Variants in CFAP57 observed in about 807,000 individuals in gnomAD.
CFAP57 encodes the protein cilia- and flagella-associated protein 57.
CFAP57 carries 116 observed loss-of-function variants against 146.8 expected under a neutral mutation model. The ratio of observed to expected loss-of-function variants is 0.79; its 90% CI spans 0.68 to 0.92. The LOEUF is 0.92. CFAP57 is among the 40% of genes least tolerant of loss of function. The probability of loss-of-function intolerance (pLI) is 0.00; values close to 1 mark genes in which losing one functional copy is unlikely to be tolerated. For synonymous variants in CFAP57, 518 were observed against 552.8 expected, an observed-to-expected ratio of 0.94 and a Z score of 0.88; for missense variants, 1,377 against 1,527.2, an observed-to-expected ratio of 0.90 and a Z score of 1.64.
Position 43,209,598 on chromosome 1 carries a change from C to T in CFAP57, c.1756-145C>T, listed in dbSNP as rs1454262652. 9.2e-6 allele frequency: 7 copies of T among 764,546 alleles called. No homozygotes were observed. The Admixed American group carries it at 1.1e-4, about 12-fold the overall frequency. The allele number at this position is 764,546 out of a possible 1,614,324, so 47.4% of individuals were successfully genotyped here. A position where few individuals can be genotyped will look rare whatever the true frequency, so the allele number is the denominator to read the frequency against. ...GCCTTTTTTTGTGCTAGGCACTATA[C>T]CGGATGCCAAAAGGGGATAGAAAAA... is the stretch of plus-strand genomic sequence containing the variant. On this transcript the variant is annotated intron_variant, in intron 10 of 22. Coordinates refer to ENST00000372492, the MANE Select transcript of CFAP57 (RefSeq NM_001378189.1).
chr1:43,181,645 C>A lies in CFAP57; in HGVS notation c.269C>A (p.Ser90Ter), dbSNP rs1645411897. 1 of 1,614,112 alleles carries A rather than the reference C, an allele frequency of 6.2e-7. No homozygotes were observed. The highest frequency in any genetic ancestry group is 8.5e-7 in the Non-Finnish European group (1 of 1,180,056). Reference sequence around the variant, plus strand: ...CCTGCCATCACCATTTATGAATTGTCATCCATCCCTTGCCGGAAGCGCAAA... The same window carrying A: ...CCTGCCATCACCATTTATGAATTGTAATCCATCCCTTGCCGGAAGCGCAAA... ...EKPAITIYEL[S>*]SIPCRKRKVL... The change falls in exon 3 of 23, where the codon TCA (serine) becomes TAA (stop). Residue 90 changes from serine to a stop codon, truncating the protein, a stop_gained. Coordinates refer to ENST00000372492, the MANE Select transcript of CFAP57 (RefSeq NM_001378189.1). LOFTEE classifies it high-confidence loss of function.
At chr1:43,191,053 T>C (rs568966052) in intron 6 of CFAP57, among the ~76,000 whole-genome samples, 3 of 152,320 alleles carry the variant, frequency 2.0e-5, no homozygotes, top group Non-Finnish European at 4.4e-5. Flanking sequence ...AATTCTTCTT[T>C]AAGTGTTTGG....
intron 22 of CFAP57, among the ~76,000 whole-genome samples, chr1:43,249,048 A>ATTTT (rs1229728481): frequency 8.1e-6 from 1 of 123,990 alleles, no homozygotes; most frequent in Non-Finnish European, 1.6e-5. Context: ...CTCCCAGCTA[A>ATTTT]TTTTTTTTTT....
At chr1:43,197,160 TG>T (rs568450070) in intron 6 of CFAP57, among the ~76,000 whole-genome samples, 1,746 of 152,144 alleles carry the variant, frequency 0.011, 39 homozygotes, top group African/African-American at 0.041. Flanking sequence ...GAGACCATCC[TG>T]GGCTAACATA....
chr1:43,175,439 G>A (rs1645134521), intron 2 of CFAP57, among the ~76,000 whole-genome samples: 1 of 151,620 alleles, frequency 6.6e-6, no homozygotes, highest in Non-Finnish European at 1.5e-5. Context: ...TATCTTTTTT[G>A]TTCTGTTATC....
At chr1:43,223,411 A>T (rs1397639218) in intron 16 of CFAP57, among the ~76,000 whole-genome samples, 1 of 152,218 alleles carries the variant, frequency 6.6e-6, no homozygotes, top group Non-Finnish European at 1.5e-5. Flanking sequence ...CCAGGGAGTC[A>T]TGGGCGGCTC....
rs1645152828 is a variant in CFAP57 at position 43,224,125 on chromosome 1, G to A, written c.2786G>A (p.Gly929Glu). 3.9e-6 allele frequency: 6 copies of A among 1,550,462 alleles called. No homozygotes were observed. The highest frequency in any genetic ancestry group is 1.4e-5 in the African/African-American group (1 of 73,056). Residue 929 changes from glycine to glutamate, a missense_variant, in exon 17 of 23, where the codon GGA becomes GAA. Coordinates refer to ENST00000372492, the MANE Select transcript of CFAP57 (RefSeq NM_001378189.1). Reference protein sequence around the residue: ...TLKGEQMKLQGVIKSLEKDIQ... With the variant: ...TLKGEQMKLQEVIKSLEKDIQ... ...AAAGGAGAGCAGATGAAGCTGCAAG[G>A]AGTCATTAAGTCTCTGGAGAAGGAC...
At chr1:43,241,350 GTAATATA>G (rs1645909410) in intron 21 of CFAP57, among the ~76,000 whole-genome samples, 3 of 152,232 alleles carry the variant, frequency 2.0e-5, no homozygotes, top group African/African-American at 7.2e-5. Context: ...CTGAAATTAA[GTAATATA>G]CTGGAAGTCT....
intron 4 of CFAP57, 47 bp from the exon 5 acceptor site, chr1:43,185,102 C>T: frequency 6.2e-7 from 1 of 1,600,298 alleles, no homozygotes; most frequent in Non-Finnish European, 8.6e-7. Context: ...AATTCATCTC[C>T]TCAAGATTGT....
intron 3 of CFAP57, among the ~76,000 whole-genome samples, chr1:43,182,295 T>C (rs1645446345): frequency 6.6e-6 from 1 of 152,198 alleles, no homozygotes. Flanking sequence ...GTTGCAGTTA[T>C]GTAAGGAACA....
intron 18 of CFAP57, among the ~76,000 whole-genome samples, chr1:43,229,693 A>G (rs12126280): frequency 0.074 from 10,952 of 148,030 alleles, 1,599 homozygotes; most frequent in South Asian, 0.2. Context: ...TTTAGTTTAC[A>G]CTCATTTACT....
intron 18 of CFAP57, among the ~76,000 whole-genome samples, chr1:43,231,728 C>T (rs568632554): frequency 0.017 from 2,442 of 147,986 alleles, 60 homozygotes; most frequent in African/African-American, 0.058. Context: ...ATTAGTTGGG[C>T]ATGGTGGCAA....
At chr1:43,180,727 T>C (rs1011496325) in intron 2 of CFAP57, among the ~76,000 whole-genome samples, 2 of 152,054 alleles carry the variant, frequency 1.3e-5, no homozygotes, top group African/African-American at 2.4e-5. Flanking sequence ...TGAAAAATTT[T>C]AGGAAGGGTG....
rs1354204950 is a variant in CFAP57 at position 43,222,931 on chromosome 1, A to G, written c.2640A>G (p.Lys880=). The change falls in exon 16 of 23, where the codon AAA becomes AAG. Residue 880 remains lysine (K), a synonymous_variant. Transcript: ENST00000372492. ...EIQDIKTKYE[K]KLRDEKESNL... is the part of the protein sequence containing the mutation. ...AAGATATCAAAACCAAGTATGAGAA[A>G]AAGCTTCGGGATGAAAAGGAATCAA... 6.4e-7 allele frequency: 1 copy of G among 1,550,580 alleles called. No homozygotes were observed. Among genetic ancestry groups the G allele is most frequent in the African/African-American group, 1.4e-5 (1 of 73,184 alleles).
intron 14 of CFAP57, among the ~76,000 whole-genome samples, 198 bp from the exon 15 acceptor site, chr1:43,221,907 G>T (rs1301517423): frequency 1.3e-5 from 2 of 152,164 alleles, no homozygotes; most frequent in Non-Finnish European, 2.9e-5. Context: ...GAGCAGGCAG[G>T]CAGGGAGTTT....
At chr1:43,229,376 C>G (rs1462958526) in intron 18 of CFAP57, among the ~76,000 whole-genome samples, 4 of 148,618 alleles carry the variant, frequency 2.7e-5, no homozygotes, top group Non-Finnish European at 5.9e-5. Flanking sequence ...CCTCCTACCT[C>G]CTTTCGCTGG....
At chr1:43,197,716 CTTTA>C in intron 7 of CFAP57, 24 bp downstream of exon 7, 1 of 1,613,748 alleles carries the variant, frequency 6.2e-7, no homozygotes, top group Non-Finnish European at 8.5e-7. Flanking sequence ...GGCTTGCCTA[CTTTA>C]TTATGCAAGA....
chr1:43,186,535 C>T (rs187054404), intron 5 of CFAP57, among the ~76,000 whole-genome samples, 172 bp from the exon 6 acceptor site: 61 of 146,502 alleles, frequency 4.2e-4, no homozygotes, highest in Middle Eastern at 3.4e-3. Flanking sequence ...GGCGTGAACC[C>T]GGGAGGCGGA....
chr1:43,197,902 T>G (rs148054574), intron 7 of CFAP57, among the ~76,000 whole-genome samples: 1 of 152,366 alleles, frequency 6.6e-6, no homozygotes, highest in African/African-American at 2.4e-5. Flanking sequence ...GCTTACCACA[T>G]GCTAGACACT....
Sources: allele counts gnomAD v4.1 joint callset (sites outside exome capture counted in the v4.1 genomes callset), GRCh38; gene constraint gnomAD v4.1.1; transcripts MANE v1.5; gene names NCBI Gene and HGNC (gene_info 2026-07-23, HGNC 2026-07-21).